The following FBN2 variants were observed in gnomAD, a reference collection of about 807,000 sequenced individuals.
FBN2 encodes the protein fibrillin-2.
A neutral mutation model predicts 355.6 loss-of-function variants in FBN2; 105 were observed. That is an observed-to-expected ratio of 0.30 (90% CI 0.25 to 0.35). FBN2 has a LOEUF of 0.35. Ranked by LOEUF, FBN2 falls within the 10% of genes least tolerant of loss-of-function variation. The probability of loss-of-function intolerance (pLI) is 1.00; values close to 1 mark genes in which losing one functional copy is unlikely to be tolerated. For missense variants in FBN2, 3,280 were observed against 3,758.7 expected, an observed-to-expected ratio of 0.87 and a Z score of 3.33; for synonymous variants, 1,350 against 1,301.2, an observed-to-expected ratio of 1.04 and a Z score of -0.81.
chr5:128,452,381 C>T (rs918465540), intron 6 of FBN2, among the ~76,000 whole-genome samples: 9 of 152,126 alleles, frequency 5.9e-5, no homozygotes, highest in South Asian at 2.1e-4. Flanking sequence ...TATGCAATAA[C>T]GTCAGTCCAT....
At chr5:128,263,319 G>C in intron 63 of FBN2, 106 bp downstream of exon 63, 1 of 830,260 alleles carries the variant, frequency 1.2e-6, no homozygotes. Context: ...CAATGCTTTT[G>C]CGGTTTGGCT....
At chr5:128,277,618 G>A (rs1327216911) in intron 58 of FBN2, among the ~76,000 whole-genome samples, 1 of 152,144 alleles carries the variant, frequency 6.6e-6, no homozygotes, top group East Asian at 1.9e-4. Flanking sequence ...AAACTTAAGA[G>A]TTTCTCTGTT....
intron 5 of FBN2, among the ~76,000 whole-genome samples, chr5:128,483,436 T>G (rs1425001293): frequency 6.6e-6 from 1 of 152,116 alleles, no homozygotes; most frequent in East Asian, 1.9e-4. Context: ...TCCAACAAGT[T>G]ACGGAGAGAA....
At chr5:128,356,252 A>C (rs750291890) in intron 20 of FBN2, among the ~76,000 whole-genome samples, 3 of 152,132 alleles carry the variant, frequency 2.0e-5, no homozygotes, top group Non-Finnish European at 2.9e-5. Flanking sequence ...GCTGTACCTC[A>C]CTGGGAAACG....
intron 62 of FBN2, among the ~76,000 whole-genome samples, chr5:128,265,489 A>C (rs1358670008): frequency 6.6e-6 from 1 of 152,172 alleles, no homozygotes; most frequent in Non-Finnish European, 1.5e-5. Flanking sequence ...TTCCTGTCTG[A>C]CACATACTTT....
At chr5:128,434,252 C>T (rs1413419226) in intron 7 of FBN2, among the ~76,000 whole-genome samples, 1 of 151,206 alleles carries the variant, frequency 6.6e-6, no homozygotes, top group Non-Finnish European at 1.5e-5. Context: ...GAAAGAAAGA[C>T]AATTCAAGCA....
intron 7 of FBN2, among the ~76,000 whole-genome samples, chr5:128,439,400 T>C (rs2127044669): frequency 6.6e-6 from 1 of 152,260 alleles, no homozygotes; most frequent in South Asian, 2.1e-4. Context: ...CCAATACAGT[T>C]TGCCATTAGA....
chr5:128,261,823 T>C lies in FBN2; in HGVS notation c.8277A>G (p.Pro2759=). The change falls in exon 64 of 65, where the codon CCA becomes CCG. Residue 2759 remains proline, a synonymous_variant. Coordinates refer to ENST00000262464, the MANE Select transcript of FBN2 (RefSeq NM_001999.4). ...TGATTTTGCACTCGTAGCATGCTTC[T>C]GGGGACAGAGCATTTTCCTCATCGA... ...TEVDEENALS[P]EACYECKING... 1 of 1,614,104 alleles carries C rather than the reference T, an allele frequency of 6.2e-7. No individual in the cohort carries two copies. The highest frequency in any genetic ancestry group is 1.3e-5 in the African/African-American group (1 of 75,070).
chr5:128,340,220 G>A (rs769920650), intron 25 of FBN2, among the ~76,000 whole-genome samples: 1 of 152,162 alleles, frequency 6.6e-6, no homozygotes, highest in African/African-American at 2.4e-5. Flanking sequence ...GCCCCACTAC[G>A]ATCTCTTTAT....
chr5:128,284,344 C>T (rs1749074457), intron 55 of FBN2, among the ~76,000 whole-genome samples: 1 of 152,144 alleles, frequency 6.6e-6, no homozygotes, highest in Non-Finnish European at 1.5e-5. Context: ...ACCTAGATTG[C>T]TAACATTCAT....
At chr5:128,290,535 C>T (rs1749291695) in intron 50 of FBN2, among the ~76,000 whole-genome samples, 197 bp downstream of exon 50, 1 of 152,144 alleles carries the variant, frequency 6.6e-6, no homozygotes, top group Non-Finnish European at 1.5e-5. Flanking sequence ...AGGGTAACTC[C>T]ACCTGTGCTT....
intron 55 of FBN2, among the ~76,000 whole-genome samples, chr5:128,285,118 C>A (rs138259127): frequency 1.3e-5 from 2 of 152,300 alleles, no homozygotes; most frequent in Non-Finnish European, 2.9e-5. Flanking sequence ...TTATGGTTTT[C>A]ATTAAAGAGG....
chr5:128,380,865 C>T (rs994946435), intron 11 of FBN2, among the ~76,000 whole-genome samples: 1 of 152,096 alleles, frequency 6.6e-6, no homozygotes, highest in African/African-American at 2.4e-5. Flanking sequence ...TTAAATACTA[C>T]GTTCTGTACA....
intron 1 of FBN2, among the ~76,000 whole-genome samples, chr5:128,536,973 C>T (rs754712532): frequency 4.6e-5 from 7 of 152,054 alleles, no homozygotes; most frequent in Non-Finnish European, 1.0e-4. Context: ...GGCTCACGAG[C>T]GGCGGCCCCG....
At chr5:128,319,691 T>C (rs748899408) in intron 34 of FBN2, among the ~76,000 whole-genome samples, 4 of 152,180 alleles carry the variant, frequency 2.6e-5, no homozygotes, top group Non-Finnish European at 5.9e-5. Flanking sequence ...CATTAAAATA[T>C]CTCTACTGAA....
chr5:128,347,250 C>T (rs1751206971), intron 23 of FBN2, among the ~76,000 whole-genome samples: 4 of 152,146 alleles, frequency 2.6e-5, no homozygotes, highest in African/African-American at 9.7e-5. Context: ...GGCATCTGAA[C>T]TATGCATGTA....
At position 128,520,083 on chromosome 5, in the gene FBN2, T is replaced by C. The variant is rs375074428; in HGVS notation, c.533-715A>G. 2.6e-5 allele frequency among the ~76,000 whole-genome samples: 4 copies of C among 152,158 alleles called. No individual in the cohort carries two copies. In the South Asian group the frequency reaches 8.3e-4, roughly 32 times the overall value. ...AAAATTAACTCACAATCCAAATGTT[T>C]CCAAAGTCATGCTGACAAACACACA... On this transcript the variant is annotated intron_variant, in intron 4 of 64. Coordinates refer to ENST00000262464, the MANE Select transcript of FBN2 (RefSeq NM_001999.4).
chr5:128,357,902 C>G (rs1180856620), intron 19 of FBN2, among the ~76,000 whole-genome samples: 4 of 152,026 alleles, frequency 2.6e-5, no homozygotes, highest in Non-Finnish European at 5.9e-5. Context: ...TAGTCCCTAT[C>G]CACCTTCTCT....
At chr5:128,454,752 C>T (rs562804622) in intron 6 of FBN2, among the ~76,000 whole-genome samples, 1 of 152,264 alleles carries the variant, frequency 6.6e-6, no homozygotes, top group African/African-American at 2.4e-5. Flanking sequence ...AATTTAGGGT[C>T]TGTATTGCTA....
Sources: gnomAD v4.1 joint callset for allele counts (sites outside exome capture counted in the v4.1 genomes callset) on GRCh38, gnomAD v4.1.1 for gene constraint, MANE v1.5 for transcripts, NCBI Gene and HGNC (gene_info 2026-07-23, HGNC 2026-07-21) for gene names.